Variants in FLT1 observed in about 807,000 individuals in gnomAD.
FLT1 encodes fms related receptor tyrosine kinase 1, also known as vascular endothelial growth factor receptor 1.
Under a neutral mutation model 156.3 loss-of-function variants are expected in FLT1, and 49 were observed. The observed-to-expected ratio is 0.31, with a 90% confidence interval of 0.25 to 0.40. The LOEUF (loss-of-function observed/expected upper bound fraction) is 0.40. Among genes scored for constraint, FLT1 ranks in the 10% least tolerant of loss-of-function variants. The probability of loss-of-function intolerance (pLI) is 1.00; values close to 1 mark genes in which losing one functional copy is unlikely to be tolerated. For synonymous variants in FLT1, 594 were observed against 583.8 expected, an observed-to-expected ratio of 1.02 and a Z score of -0.25; for missense variants, 1,322 against 1,637.2, an observed-to-expected ratio of 0.81 and a Z score of 3.32.
chr13:28,308,419 A>C, intron 28 of FLT1: 1 of 274,258 alleles, frequency 3.6e-6, no homozygotes, highest in South Asian at 4.5e-5. Context: ...GTAGAACCTC[A>C]GGGGAAAGGA....
At chr13:28,360,891 C>T (rs954422384) in intron 14 of FLT1, among the ~76,000 whole-genome samples, 1 of 152,138 alleles carries the variant, frequency 6.6e-6, no homozygotes, top group Non-Finnish European at 1.5e-5. Context: ...GCTAATCAGG[C>T]TTATTTGATC....
At chr13:28,431,053 G>A (rs374283921) in intron 7 of FLT1, 83 bp downstream of exon 7, 13 of 1,278,396 alleles carry the variant, frequency 1.0e-5, no homozygotes, top group Non-Finnish European at 4.6e-6. Context: ...TTGGCCAACA[G>A]AAAACTGACT....
At chr13:28,384,217 T>A (rs1874215181) in intron 14 of FLT1, among the ~76,000 whole-genome samples, 3 of 152,140 alleles carry the variant, frequency 2.0e-5, no homozygotes, top group African/African-American at 4.8e-5. Context: ...GTGGATTACC[T>A]GAGGTCAGGA....
intron 7 of FLT1, 44 bp downstream of exon 7, chr13:28,431,092 A>G: frequency 6.6e-7 from 1 of 1,505,834 alleles, no homozygotes; most frequent in Non-Finnish European, 9.2e-7. Flanking sequence ...ATCTACAATG[A>G]TTAGAAAGCA....
chr13:28,464,683 T>C (rs1489501922), intron 3 of FLT1, among the ~76,000 whole-genome samples: 2 of 152,244 alleles, frequency 1.3e-5, no homozygotes, highest in South Asian at 2.1e-4. Flanking sequence ...TGCTCTGTTG[T>C]ATAGTTGAAA....
At chr13:28,371,518 A>G (rs1178946352) in intron 14 of FLT1, among the ~76,000 whole-genome samples, 1 of 152,152 alleles carries the variant, frequency 6.6e-6, no homozygotes, top group Non-Finnish European at 1.5e-5. Flanking sequence ...TACCAGATAG[A>G]TGGTCCCAGT....
At chr13:28,367,683 G>T (rs146231485) in intron 14 of FLT1, among the ~76,000 whole-genome samples, 1 of 152,242 alleles carries the variant, frequency 6.6e-6, no homozygotes, top group African/African-American at 2.4e-5. Flanking sequence ...ATAAATGCAG[G>T]CCATGTGTTT....
chr13:28,430,999 A>G, intron 7 of FLT1, 137 bp downstream of exon 7: 1 of 763,902 alleles, frequency 1.3e-6, no homozygotes, highest in Non-Finnish European at 2.3e-6. Context: ...CAGGGGGAGG[A>G]GGGAACCATG....
chr13:28,386,986 T>C (rs990357320), intron 13 of FLT1: 43 of 1,041,368 alleles, frequency 4.1e-5, no homozygotes, highest in Non-Finnish European at 4.9e-5. Flanking sequence ...CCCACAACAC[T>C]AAAATTGTTT....
At chr13:28,311,874 C>G (rs572908814) in intron 26 of FLT1, 119 bp downstream of exon 26, 38 of 1,089,224 alleles carry the variant, frequency 3.5e-5, no homozygotes, top group Non-Finnish European at 5.2e-5. Context: ...CACACACACA[C>G]CCTTTTTTTA....
At chr13:28,325,362 G>C (rs545415453) in intron 20 of FLT1, among the ~76,000 whole-genome samples, 10 of 152,170 alleles carry the variant, frequency 6.6e-5, no homozygotes, top group African/African-American at 1.9e-4. Flanking sequence ...GCACAGAAAA[G>C]GCAGTGGAGG....
intron 11 of FLT1, among the ~76,000 whole-genome samples, chr13:28,403,743 C>G (rs1875605674): frequency 6.6e-6 from 1 of 152,110 alleles, no homozygotes; most frequent in Admixed American, 6.6e-5. Context: ...AGGTAGTTTC[C>G]TTATTAAAAA....
intron 12 of FLT1, among the ~76,000 whole-genome samples, chr13:28,393,150 CAT>C (rs1456606203): frequency 6.6e-6 from 1 of 152,170 alleles, no homozygotes; most frequent in East Asian, 1.9e-4. Context: ...ATCCATCTAA[CAT>C]ATTATCACAT....
chr13:28,447,791 T>C (rs1878702281), intron 3 of FLT1, among the ~76,000 whole-genome samples: 1 of 150,854 alleles, frequency 6.6e-6, no homozygotes, highest in Admixed American at 6.6e-5. Context: ...TATAAACATA[T>C]GTTTAGAATA....
In FLT1 at chr13:28,303,061, G is replaced by T; in HGVS notation, c.*106C>A. 9.9e-7 allele frequency: 1 copy of T among 1,008,178 alleles called. No individual in the cohort carries two copies. Among genetic ancestry groups the T allele is most frequent in the Non-Finnish European group, 1.5e-6 (1 of 683,306 alleles). The allele number at this position is 1,008,178 out of a possible 1,614,324, so 62.5% of individuals were successfully genotyped here. ...ATCACAAAAAGCAGCTGGCTCCCATGGAAAGATAAAGGTGTAAACTTATAT... is the reference window on the plus strand; with the variant it reads ...ATCACAAAAAGCAGCTGGCTCCCATTGAAAGATAAAGGTGTAAACTTATAT... On this transcript the variant is annotated 3_prime_UTR_variant, in exon 30 of 30. Transcript: ENST00000282397.
chr13:28,351,761 GT>G (rs1194133418), intron 15 of FLT1, among the ~76,000 whole-genome samples: 2 of 152,192 alleles, frequency 1.3e-5, no homozygotes, highest in Non-Finnish European at 2.9e-5. Flanking sequence ...AAATCCTTAA[GT>G]CAAACAGGAA....
At chr13:28,324,085 T>C (rs1479397637) in intron 20 of FLT1, among the ~76,000 whole-genome samples, 2 of 152,188 alleles carry the variant, frequency 1.3e-5, no homozygotes, top group Admixed American at 1.3e-4. Context: ...TTATGATTCA[T>C]AGGAAAGGAG....
chr13:28,399,504 G>A (rs982314032), intron 11 of FLT1, among the ~76,000 whole-genome samples: 2 of 152,038 alleles, frequency 1.3e-5, no homozygotes, highest in Non-Finnish European at 2.9e-5. Flanking sequence ...ACTGGGTTTC[G>A]TGGCAAGGGA....
chr13:28,351,270 GT>G (rs1467173980), intron 15 of FLT1, among the ~76,000 whole-genome samples: 1 of 152,084 alleles, frequency 6.6e-6, no homozygotes, highest in Non-Finnish European at 1.5e-5. Flanking sequence ...ACTTATGTGG[GT>G]TTATTGCCCA....
Sources: gnomAD v4.1 joint callset for allele counts (sites outside exome capture counted in the v4.1 genomes callset) on GRCh38, gnomAD v4.1.1 for gene constraint, MANE v1.5 for transcripts, NCBI Gene and HGNC (gene_info 2026-07-23, HGNC 2026-07-21) for gene names.